The following F2 variants were observed in gnomAD, a reference collection of about 807,000 sequenced individuals.
F2 encodes the protein coagulation factor II, thrombin.
Under a neutral mutation model 81.9 loss-of-function variants are expected in F2, and 34 were observed. That is an observed-to-expected ratio of 0.42 (90% CI 0.32 to 0.55). The LOEUF (loss-of-function observed/expected upper bound fraction) is 0.55, where lower values mean the gene tolerates loss of function less well. Ranked by LOEUF, F2 falls within the 20% of genes least tolerant of loss-of-function variation. F2 has a pLI of 0.18. For synonymous variants in F2, 296 were observed against 326.4 expected (o/e 0.91, Z 1.01); for missense variants, 630 against 833.4 (o/e 0.76, Z 3.00).
rs2064867997 is a variant in F2, at chr11:46,725,845, C to T, written c.560-14C>T. The T allele has an allele frequency of 6.2e-7, 1 of 1,612,104 alleles. No homozygotes were observed. The highest frequency in any genetic ancestry group is 1.1e-5 in the South Asian group (1 of 90,994). ...CTCACTCACTCTGCTGCCTCCTTGC[C>T]CCTCACCCACCAGGCCAGGATCAAG... On this transcript the variant is annotated splice_polypyrimidine_tract_variant and intron_variant, in intron 6 of 13. Coordinates refer to ENST00000311907, the MANE Select transcript of F2 (RefSeq NM_000506.5).
intron 9 of F2, among the ~76,000 whole-genome samples, 193 bp from the exon 10 acceptor site, chr11:46,727,803 A>AT (rs2064884020): frequency 6.6e-6 from 1 of 152,020 alleles, no homozygotes; most frequent in Non-Finnish European, 1.5e-5. Flanking sequence ...AAATAAATAA[A>AT]AAAGTGTGAG....
At position 46,739,125 on chromosome 11, in the gene F2, T is replaced by G; in HGVS notation, c.1725+7T>G. The G allele has an allele frequency of 6.2e-7, 1 of 1,614,208 alleles. No homozygotes were observed. Among genetic ancestry groups the G allele is most frequent in the East Asian group, 2.2e-5 (1 of 44,892 alleles). ...GGGACCCTTTGTCATGAAGGTAAGC[T>G]TCTCTAAAGCCCAGGGCCTGGTGAA... On this transcript the variant is annotated splice_region_variant and intron_variant, in intron 13 of 13. Transcript: ENST00000311907.
Position 46,726,275 on chromosome 11 carries a change from C to T in F2, c.874+102C>T, listed in dbSNP as rs973410504. 8.0e-6 allele frequency: 12 copies of T among 1,501,268 alleles called. No individual in the cohort carries two copies. The highest frequency in any genetic ancestry group is 2.4e-5 in the South Asian group (2 of 84,554). The allele number at this position is 1,501,268 out of a possible 1,614,324, so 93.0% of individuals were successfully genotyped here. The stretch of plus-strand genomic sequence containing the variant: ...GAACGCTTACCTCATTGAGTGCGCT[C>T]ATTACAGCCTTACAGTAACCAGGTG... On this transcript the variant is annotated intron_variant, in intron 7 of 13. Coordinates refer to ENST00000311907, the MANE Select transcript of F2 (RefSeq NM_000506.5). The surrounding 1 kb of genome is among the most constrained non-coding windows in gnomAD (Gnocchi z 5.9).
intron 12 of F2, among the ~76,000 whole-genome samples, chr11:46,734,619 T>C (rs1175246202): frequency 3.9e-5 from 6 of 152,128 alleles, no homozygotes; most frequent in African/African-American, 1.4e-4. Context: ...AAGACCAGCC[T>C]GGCCAACATG....
rs186288295 is a variant in F2, at chr11:46,737,755, A to G, written c.1655-1293A>G. On this transcript the variant is annotated intron_variant, in intron 12 of 13. Transcript: ENST00000311907. Reference sequence around the variant, plus strand: ...GCCCGGCCAGGCCTATTATTTTTCTATTGTGGTTCATTAATTTCTGCTTTT... The same window carrying G: ...GCCCGGCCAGGCCTATTATTTTTCTGTTGTGGTTCATTAATTTCTGCTTTT... 4.0e-5 allele frequency among the ~76,000 whole-genome samples: 6 copies of G among 150,910 alleles called. No individual in the cohort carries two copies. In the East Asian group the frequency reaches 1.2e-3, roughly 30 times the overall value.
chr11:46,730,235 G>A (rs1161820028), intron 12 of F2, among the ~76,000 whole-genome samples: 1 of 152,122 alleles, frequency 6.6e-6, no homozygotes, highest in African/African-American at 2.4e-5. Flanking sequence ...GGGAGGCGGA[G>A]GTTGCAGTGA....
intron 2 of F2, chr11:46,720,096 T>A: frequency 1.6e-6 from 1 of 611,696 alleles, no homozygotes; most frequent in East Asian, 2.8e-5. Flanking sequence ...GCCTCCACAG[T>A]CTTCAGACAT....
chr11:46,727,966 G>A, intron 9 of F2, 30 bp from the exon 10 acceptor site: 1 of 1,593,938 alleles, frequency 6.3e-7, no homozygotes, highest in Non-Finnish European at 8.5e-7. Context: ...CTCATCCTCA[G>A]CTCCTAATGC....
intron 11 of F2, 140 bp from the exon 12 acceptor site, chr11:46,729,240 A>G: frequency 2.1e-6 from 2 of 936,048 alleles, no homozygotes; most frequent in Non-Finnish European, 3.2e-6. Context: ...TCGGCCTCCC[A>G]AAGTGCCGAG....
intron 13 of F2, 57 bp from the exon 14 acceptor site, chr11:46,739,208 G>GA (rs1270733438): frequency 1.9e-6 from 3 of 1,613,584 alleles, no homozygotes; most frequent in African/African-American, 2.7e-5. Flanking sequence ...CCTGGCAGGG[G>GA]AATACTGATG....
chr11:46,723,589 G>A lies in F2; in HGVS notation c.559+71G>A. The A allele has an allele frequency of 2.0e-6, 3 of 1,537,926 alleles. No individual in the cohort carries two copies. The highest frequency in any genetic ancestry group is 2.6e-6 in the Non-Finnish European group (3 of 1,135,130). On this transcript the variant is annotated intron_variant, in intron 6 of 13. Coordinates refer to ENST00000311907, the MANE Select transcript of F2 (RefSeq NM_000506.5). This position sits in a 1 kb window ranked among gnomAD's most constrained non-coding sequence, Gnocchi z 5.6. ...TTCATGGGGCCTGGCAGCCTGGGAT[G>A]GGAACCAAGAATACTGGCTACCCAG...
At chr11:46,722,456 C>T (rs904835032) in intron 4 of F2, among the ~76,000 whole-genome samples, 5 of 152,032 alleles carry the variant, frequency 3.3e-5, no homozygotes, top group Non-Finnish European at 7.4e-5. Context: ...GGTGTGGTGG[C>T]ACGCGCCTGT....
rs145352722 is a variant in F2, at chr11:46,725,947, T to G, written c.648T>G (p.Asp216Glu). The G allele has an allele frequency of 3.7e-5, 60 of 1,613,900 alleles. No individual in the cohort carries two copies. The East Asian group carries it at 1.3e-3, about 35-fold the overall frequency. ...CTCCATTGGAGCAGTGTGTCCCTGATCGGGGGCAGCAGTACCAGGGGCGCC... is the reference window on the plus strand; with the variant it reads ...CTCCATTGGAGCAGTGTGTCCCTGAGCGGGGGCAGCAGTACCAGGGGCGCC... ...LSPPLEQCVP[D>E]RGQQYQGRLA... is the part of the protein sequence containing the mutation. Residue 216 changes from aspartate to glutamate, a missense_variant, in exon 7 of 14, where the codon GAT becomes GAG. Coordinates refer to ENST00000311907, the MANE Select transcript of F2 (RefSeq NM_000506.5).
At position 46,725,885 on chromosome 11, in the gene F2, A is replaced by C; in HGVS notation, c.586A>C (p.Thr196Pro). 1 of 1,612,928 alleles carries C rather than the reference A, an allele frequency of 6.2e-7. No individual in the cohort carries two copies. Among genetic ancestry groups the C allele is most frequent in the Non-Finnish European group, 8.5e-7 (1 of 1,179,908 alleles). ...CCAGGATCAAGTCACTGTAGCGATG[A>C]CTCCACGCTCCGAAGGCTCCAGTGT... ...CGQDQVTVAM[T>P]PRSEGSSVNL... The change falls in exon 7 of 14, where the codon ACT becomes CCT. Residue 196 changes from threonine (T) to proline (P), a missense_variant. Thr to Pro is a conservative substitution (Grantham distance 38). Transcript: ENST00000311907.
intron 4 of F2, among the ~76,000 whole-genome samples, chr11:46,721,463 C>A (rs1333935217): frequency 6.6e-6 from 1 of 152,220 alleles, no homozygotes; most frequent in African/African-American, 2.4e-5. Flanking sequence ...CAAACAGGAA[C>A]CCAAACCCCC....
In F2 at chr11:46,719,269, T is replaced by C. The variant is rs753169407; in HGVS notation, c.34T>C (p.Cys12Arg). 3 of 1,613,724 alleles carry C rather than the reference T, an allele frequency of 1.9e-6. No individual in the cohort carries two copies. Among genetic ancestry groups the C allele is most frequent in the Non-Finnish European group, 2.5e-6 (3 of 1,180,020 alleles). ...AHVRGLQLPG[C>R]LALAALCSLV... is the part of the protein sequence containing the mutation. The stretch of plus-strand genomic sequence containing the variant: ...CGTCCGAGGCTTGCAGCTGCCTGGC[T>C]GCCTGGCCCTGGCTGCCCTGTGTAG... The change falls in exon 1 of 14, where the codon TGC becomes CGC. Residue 12 changes from cysteine to arginine, a missense_variant. By Grantham distance (180) the Cys-to-Arg change is radical. Coordinates refer to ENST00000311907, the MANE Select transcript of F2 (RefSeq NM_000506.5). This position sits in a 1 kb window ranked among gnomAD's most constrained non-coding sequence, Gnocchi z 4.7.
At chr11:46,733,762 C>A (rs1470189616) in intron 12 of F2, among the ~76,000 whole-genome samples, 2 of 142,768 alleles carry the variant, frequency 1.4e-5, no homozygotes, top group East Asian at 2.2e-4. Context: ...GGTTGAACAT[C>A]GTATCATATG....
At chr11:46,720,637 C>A (rs980697463) in intron 3 of F2, 90 bp downstream of exon 3, 4 of 1,494,050 alleles carry the variant, frequency 2.7e-6, no homozygotes, top group Non-Finnish European at 3.7e-6. Context: ...CTGCACCTAG[C>A]CATCCACCCA....
rs1215881337 is a variant in F2, at chr11:46,729,546, A to G, written c.1639A>G (p.Asn547Asp). ...CTCCACCCGGATCCGCATCACTGAC[A>G]ACATGTTCTGTGCTGGCAAGTCTGT... ...KDSTRIRITD[N>D]MFCAGYKPDE... Residue 547 changes from asparagine to aspartate, a missense_variant, in exon 12 of 14, where the codon AAC becomes GAC. Physicochemically the swap from Asn to Asp is conservative, Grantham distance 23. Transcript: ENST00000311907. 6.2e-7 allele frequency: 1 copy of G among 1,613,554 alleles called. No individual in the cohort carries two copies. Among genetic ancestry groups the G allele is most frequent in the South Asian group, 1.1e-5 (1 of 91,074 alleles).
Sources: allele counts gnomAD v4.1 joint callset (sites outside exome capture counted in the v4.1 genomes callset), GRCh38; gene constraint gnomAD v4.1.1; non-coding constraint Gnocchi (gnomAD v3.1); transcripts MANE v1.5; gene names NCBI Gene and HGNC (gene_info 2026-07-23, HGNC 2026-07-21).